AUTS2: variants seen among roughly 807,000 people sequenced by gnomAD.
AUTS2 encodes autism susceptibility gene 2 protein.
A neutral mutation model predicts 112.4 loss-of-function variants in AUTS2; 17 were observed. That is an observed-to-expected ratio of 0.15 (90% CI 0.10 to 0.23). The LOEUF is 0.23. Ranked by LOEUF, AUTS2 falls within the 10% of genes least tolerant of loss-of-function variation. The pLI is 1.00. For synonymous variants in AUTS2, 751 were observed against 702.7 expected (o/e 1.07, Z -1.09); for missense variants, 1,510 against 1,701.6 (o/e 0.89, Z 1.98).
chr7:69,869,186 A>C (rs182261244), intron 1 of AUTS2, among the ~76,000 whole-genome samples: 1 of 152,284 alleles, frequency 6.6e-6, no homozygotes, highest in African/African-American at 2.4e-5. Context: ...GTAGGGAGAA[A>C]TATTGGGAAG....
intron 2 of AUTS2, among the ~76,000 whole-genome samples, chr7:70,025,784 T>TG (rs1800493244): frequency 6.6e-6 from 1 of 150,992 alleles, no homozygotes; most frequent in African/African-American, 2.4e-5. Context: ...AAGCTTTTTT[T>TG]TTTTTTTTTT....
At chr7:70,035,023 A>T (rs1243437043) in intron 2 of AUTS2, among the ~76,000 whole-genome samples, 2 of 152,074 alleles carry the variant, frequency 1.3e-5, no homozygotes, top group African/African-American at 4.8e-5. Flanking sequence ...GAAGTTTTTG[A>T]CATATTGACA....
chr7:70,312,305 A>AT (rs1484905662), intron 4 of AUTS2, among the ~76,000 whole-genome samples: 1 of 151,858 alleles, frequency 6.6e-6, no homozygotes, highest in African/African-American at 2.4e-5. Flanking sequence ...TCTTTGGGTT[A>AT]TTTTTTTCTT....
intron 4 of AUTS2, among the ~76,000 whole-genome samples, chr7:70,395,395 A>G (rs2129912362): frequency 6.6e-6 from 1 of 152,284 alleles, no homozygotes; most frequent in East Asian, 1.9e-4. Flanking sequence ...TTAGACTTGA[A>G]CCCAAATGTG....
At chr7:70,635,859 TG>T (rs1805508818) in intron 5 of AUTS2, among the ~76,000 whole-genome samples, 1 of 152,090 alleles carries the variant, frequency 6.6e-6, no homozygotes, top group Non-Finnish European at 1.5e-5. Flanking sequence ...ATGTGCCAGG[TG>T]GATAGAAGTG....
intron 5 of AUTS2, among the ~76,000 whole-genome samples, chr7:70,610,464 C>G (rs573493973): frequency 1.4e-4 from 15 of 106,694 alleles, no homozygotes; most frequent in Non-Finnish European, 1.5e-4. Context: ...CTGACAGAGT[C>G]TCATTCTGTT....
At chr7:70,495,464 A>G (rs549215724) in intron 5 of AUTS2, among the ~76,000 whole-genome samples, 1 of 152,000 alleles carries the variant, frequency 6.6e-6, no homozygotes, top group Non-Finnish European at 1.5e-5. Context: ...ACAGTCTCCT[A>G]GAGTGAGGTT....
intron 1 of AUTS2, among the ~76,000 whole-genome samples, chr7:69,751,616 G>A (rs1787740612): frequency 6.6e-6 from 1 of 152,190 alleles, no homozygotes; most frequent in African/African-American, 2.4e-5. Context: ...CAGTGGTTTA[G>A]CCTGTGGGAT....
At chr7:69,911,987 G>C (rs1584430019) in intron 2 of AUTS2, among the ~76,000 whole-genome samples, 1 of 152,298 alleles carries the variant, frequency 6.6e-6, no homozygotes, top group East Asian at 1.9e-4. Flanking sequence ...ATGGCACTCA[G>C]GCTGTTGATG....
At chr7:70,605,513 C>CT (rs11412825) in intron 5 of AUTS2, among the ~76,000 whole-genome samples, 10,667 of 95,914 alleles carry the variant, frequency 0.11, 669 homozygotes, top group African/African-American at 0.23. Flanking sequence ...TTTTGTCTTT[C>CT]TTTTTTTTTT....
chr7:69,636,591 G>A (rs551331913), intron 1 of AUTS2, among the ~76,000 whole-genome samples: 1 of 149,264 alleles, frequency 6.7e-6, no homozygotes, highest in South Asian at 2.1e-4. Flanking sequence ...TTACAACCTA[G>A]TATTTTTCTT....
At chr7:70,040,228 G>T (rs74711097) in intron 2 of AUTS2, among the ~76,000 whole-genome samples, 2 of 152,110 alleles carry the variant, frequency 1.3e-5, no homozygotes, top group Non-Finnish European at 2.9e-5. Context: ...TGATGTGTCA[G>T]TCTAGACTCA....
intron 2 of AUTS2, among the ~76,000 whole-genome samples, chr7:70,047,863 A>C (rs1801576047): frequency 6.6e-6 from 1 of 152,126 alleles, no homozygotes; most frequent in African/African-American, 2.4e-5. Context: ...TTGATTTTCC[A>C]GAGTAGAGTA....
intron 4 of AUTS2, among the ~76,000 whole-genome samples, chr7:70,146,511 C>A (rs1807132699): frequency 1.3e-5 from 2 of 152,004 alleles, no homozygotes; most frequent in South Asian, 4.2e-4. Context: ...ATTCTTGGTT[C>A]ATTTACTGTT....
At chr7:69,981,703 A>G (rs1271046423) in intron 2 of AUTS2, among the ~76,000 whole-genome samples, 2 of 152,182 alleles carry the variant, frequency 1.3e-5, no homozygotes, top group African/African-American at 4.8e-5. Context: ...AGATTTGTAA[A>G]TAAATTGTAG....
intron 2 of AUTS2, among the ~76,000 whole-genome samples, chr7:69,938,312 A>C (rs1408009467): frequency 6.6e-6 from 1 of 152,122 alleles, no homozygotes; most frequent in South Asian, 2.1e-4. Flanking sequence ...CTGCTCTTCT[A>C]TAAAACTCCA....
chr7:70,669,602 C>T (rs1206030046), intron 5 of AUTS2, among the ~76,000 whole-genome samples: 1 of 152,172 alleles, frequency 6.6e-6, no homozygotes, highest in African/African-American at 2.4e-5. Context: ...ACCCAGGTCT[C>T]GTAAACCTCT....
chr7:70,765,951 G>T (rs1268640575), intron 8 of AUTS2, among the ~76,000 whole-genome samples, 163 bp from the exon 9 acceptor site: 1 of 152,084 alleles, frequency 6.6e-6, no homozygotes, highest in Non-Finnish European at 1.5e-5. Flanking sequence ...ACCGGGCCTT[G>T]GTCTCGTCTG....
intron 2 of AUTS2, among the ~76,000 whole-genome samples, chr7:69,984,748 C>T (rs1198597276): frequency 6.6e-6 from 1 of 152,144 alleles, no homozygotes; most frequent in East Asian, 1.9e-4. Context: ...CCCTTCCACT[C>T]CTCTTCCTGC....
Sources: allele counts gnomAD v4.1 joint callset (sites outside exome capture counted in the v4.1 genomes callset), GRCh38; gene constraint gnomAD v4.1.1; transcripts MANE v1.5; gene names NCBI Gene and HGNC (gene_info 2026-07-23, HGNC 2026-07-21).